The following TTBK1 variants were observed in gnomAD, a reference collection of about 807,000 sequenced individuals.
TTBK1 encodes tau tubulin kinase 1, also known as tau-tubulin kinase 1.
In TTBK1, 34 loss-of-function variants were observed where a neutral mutation model predicts 108.5. That is an observed-to-expected ratio of 0.31 (90% CI 0.24 to 0.42). TTBK1 has a LOEUF of 0.42. Ranked by LOEUF, TTBK1 falls within the 10% of genes least tolerant of loss-of-function variation. The pLI is 1.00. For synonymous variants in TTBK1, 809 were observed against 795.1 expected (o/e 1.02, Z -0.29); for missense variants, 1,539 against 1,826.0 (o/e 0.84, Z 2.86).
Position 43,283,041 on chromosome 6 carries a change from AGAG to A in TTBK1, c.2312_2314del (p.Glu771del), listed in dbSNP as rs542526958. ...AGGAGGAAGAAGAGGAGGAGGAGGA[AGAG>A]GAGGAGGAGGCTGCAGCGGCAGTTG... On this transcript the variant is annotated inframe_deletion, in exon 14 of 15. Transcript: ENST00000259750. This position sits in a 1 kb window ranked among gnomAD's most constrained non-coding sequence, Gnocchi z 8.1. 1.3e-4 allele frequency: 208 copies of A among 1,591,016 alleles called. No homozygotes were observed. In the African/African-American group the frequency reaches 1.8e-3, roughly 14 times the overall value.
intron 2 of TTBK1, among the ~76,000 whole-genome samples, chr6:43,248,563 A>G (rs1243747900): frequency 6.6e-6 from 1 of 152,180 alleles, no homozygotes; most frequent in Non-Finnish European, 1.5e-5. Context: ...TCTCTACTAA[A>G]AATACAAAAA....
Position 43,269,597 on chromosome 6 carries a change from CTG to C in TTBK1, c.1986+6250_1986+6251del. The C allele has an allele frequency of 6.4e-7, 1 of 1,564,846 alleles. No homozygotes were observed. Among genetic ancestry groups the C allele is most frequent in the Non-Finnish European group, 8.7e-7 (1 of 1,151,760 alleles). On this transcript the variant is annotated intron_variant, in intron 13 of 14. Coordinates refer to ENST00000259750, the MANE Select transcript of TTBK1 (RefSeq NM_032538.3). This position sits in a 1 kb window ranked among gnomAD's most constrained non-coding sequence, Gnocchi z 4.8. ...GGCCCCGGAGACGGAGCTGTCGAGTCTGTGCCTGACACCTCTTTTCCCTCCAC... is the reference window on the plus strand; with the variant it reads ...GGCCCCGGAGACGGAGCTGTCGAGTCTGCCTGACACCTCTTTTCCCTCCAC...
At chr6:43,261,714 C>T (rs990792875) in intron 12 of TTBK1, among the ~76,000 whole-genome samples, 6 of 148,798 alleles carry the variant, frequency 4.0e-5, no homozygotes, top group Non-Finnish European at 8.9e-5. Context: ...ACTCAGGAGG[C>T]TGAGGCAGGA....
At chr6:43,262,667 A>C (rs1235308158) in intron 12 of TTBK1, 122 bp from the exon 13 acceptor site, 1 of 927,190 alleles carries the variant, frequency 1.1e-6, no homozygotes, top group Non-Finnish European at 1.5e-6. Flanking sequence ...GGCCTGGCTC[A>C]GGGTGGGAGG....
rs1305315017 is a variant in TTBK1 at position 43,285,799 on chromosome 6, G to A, written c.*423G>A. 1.3e-5 allele frequency: 2 copies of A among 155,796 alleles called. No homozygotes were observed. The highest frequency in any genetic ancestry group is 2.4e-5 in the African/African-American group (1 of 41,598). 9.7% of individuals were successfully genotyped at this position (155,796 alleles called of 1,614,324 possible). On this transcript the variant is annotated 3_prime_UTR_variant, in exon 15 of 15. Transcript: ENST00000259750. This position sits in a 1 kb window ranked among gnomAD's most constrained non-coding sequence, Gnocchi z 4.7. Reference sequence around the variant, plus strand: ...GCAATCTCTGCCTACACCTCCTGCGGCGCCTTGCCCTCCTCCGACCCCTTT... The same window carrying A: ...GCAATCTCTGCCTACACCTCCTGCGACGCCTTGCCCTCCTCCGACCCCTTT...
intron 14 of TTBK1, among the ~76,000 whole-genome samples, chr6:43,284,747 C>T (rs1286238782): frequency 6.6e-6 from 1 of 152,054 alleles, no homozygotes; most frequent in Non-Finnish European, 1.5e-5. Flanking sequence ...AATGAGGACC[C>T]CAAAGAAAGC....
At position 43,255,599 on chromosome 6, in the gene TTBK1, G is replaced by A. The variant is rs148165250; in HGVS notation, c.690G>A (p.Val230=). 1 of 1,613,880 alleles carries A rather than the reference G, an allele frequency of 6.2e-7. No individual in the cohort carries two copies. The highest frequency in any genetic ancestry group is 1.3e-5 in the African/African-American group (1 of 75,030). The stretch of plus-strand genomic sequence containing the variant: ...TGTGGTCCCTCTTCTACATGCTGGT[G>A]GAGTTTGCAGTGGGCCAGCTGCCCT... ...DDLWSLFYML[V]EFAVGQLPWR... The change falls in exon 8 of 15, where the codon GTG becomes GTA. Residue 230 remains valine, a synonymous_variant. Transcript: ENST00000259750.
intron 2 of TTBK1, among the ~76,000 whole-genome samples, chr6:43,250,651 G>A (rs896809711): frequency 6.6e-6 from 1 of 152,116 alleles, no homozygotes; most frequent in Non-Finnish European, 1.5e-5. Context: ...GAGCCACCGC[G>A]CCTGGACCTG....
intron 12 of TTBK1, among the ~76,000 whole-genome samples, chr6:43,261,473 A>ACC (rs1562088427): frequency 6.6e-6 from 1 of 151,878 alleles, no homozygotes; most frequent in African/African-American, 2.4e-5. Context: ...GGCTGGCATG[A>ACC]CCCCAAGTTG....
Position 43,285,579 on chromosome 6 carries a change from C to A in TTBK1, c.*203C>A. The A allele has an allele frequency of 1.8e-6, 1 of 565,988 alleles. No homozygotes were observed. The highest frequency in any genetic ancestry group is 2.5e-6 in the Non-Finnish European group (1 of 392,860). 35.1% of individuals were successfully genotyped at this position (565,988 alleles called of 1,614,324 possible). A position where few individuals can be genotyped will look rare whatever the true frequency, so the allele number is the denominator to read the frequency against. On this transcript the variant is annotated 3_prime_UTR_variant, in exon 15 of 15. Coordinates refer to ENST00000259750, the MANE Select transcript of TTBK1 (RefSeq NM_032538.3). The surrounding 1 kb of genome is among the most constrained non-coding windows in gnomAD (Gnocchi z 4.7). Reference sequence around the variant, plus strand: ...TTAGGGCCCGTGGGGGACGCGGCCCCGCGCCGCGGGGAGGGTCTGCCTCCC... The same window carrying A: ...TTAGGGCCCGTGGGGGACGCGGCCCAGCGCCGCGGGGAGGGTCTGCCTCCC...
intron 13 of TTBK1, among the ~76,000 whole-genome samples, chr6:43,268,652 T>C (rs1341103884): frequency 6.6e-6 from 1 of 152,036 alleles, no homozygotes; most frequent in East Asian, 1.9e-4. Flanking sequence ...CCCCCACATA[T>C]CTGGGACACT....
chr6:43,271,401 G>T, intron 13 of TTBK1: 1 of 985,382 alleles, frequency 1.0e-6, no homozygotes, highest in Non-Finnish European at 1.2e-6. Context: ...TGACTGGCAC[G>T]TGCGCAAGTT....
chr6:43,271,761 C>CTATT (rs35217249), intron 13 of TTBK1: 114,583 of 951,998 alleles, frequency 0.12, 6,912 homozygotes, highest in East Asian at 0.33. Flanking sequence ...CTTTGTAAGT[C>CTATT]TATTTATTTA....
Position 43,285,330 on chromosome 6 carries a change from C to T in TTBK1, c.3920C>T (p.Thr1307Ile), listed in dbSNP as rs1778344372. ...AAACTCCAGGCTCAGCGCGCAACAA[C>T]CAAAGGCCGGGCAGGAGGCGCGGAG... ...RGKLQAQRAT[T>I]KGRAGGAEGR... The change falls in exon 15 of 15, where the codon ACC becomes ATC. Residue 1307 changes from threonine to isoleucine, a missense_variant. Thr to Ile is a moderately conservative substitution (Grantham distance 89). Transcript: ENST00000259750. The surrounding 1 kb of genome is among the most constrained non-coding windows in gnomAD (Gnocchi z 4.7). 3.9e-6 allele frequency: 5 copies of T among 1,290,596 alleles called. No individual in the cohort carries two copies. Among genetic ancestry groups the T allele is most frequent in the Admixed American group, 8.4e-5 (2 of 23,898 alleles). The allele number at this position is 1,290,596 out of a possible 1,614,324, so 79.9% of individuals were successfully genotyped here.
intron 2 of TTBK1, among the ~76,000 whole-genome samples, chr6:43,247,286 G>A (rs570150011): frequency 5.3e-5 from 8 of 152,308 alleles, no homozygotes; most frequent in African/African-American, 1.9e-4. Flanking sequence ...AGCACGGCGA[G>A]ACTCCATCTC....
chr6:43,260,598 G>A (rs1427408167), intron 12 of TTBK1, among the ~76,000 whole-genome samples: 1 of 152,198 alleles, frequency 6.6e-6, no homozygotes, highest in African/African-American at 2.4e-5. Context: ...GTGGTAGCCT[G>A]GAGTCCCTCT....
Position 43,285,536 on chromosome 6 carries a change from G to A in TTBK1, c.*160G>A, listed in dbSNP as rs1056082275. 1 of 992,088 alleles carries A rather than the reference G, an allele frequency of 1.0e-6. No homozygotes were observed. The highest frequency in any genetic ancestry group is 1.3e-6 in the Non-Finnish European group (1 of 776,664). 61.5% of individuals were successfully genotyped at this position (992,088 alleles called of 1,614,324 possible). A position where few individuals can be genotyped will look rare whatever the true frequency, so the allele number is the denominator to read the frequency against. On this transcript the variant is annotated 3_prime_UTR_variant, in exon 15 of 15. Coordinates refer to ENST00000259750, the MANE Select transcript of TTBK1 (RefSeq NM_032538.3). This position sits in a 1 kb window ranked among gnomAD's most constrained non-coding sequence, Gnocchi z 4.7. ...CCCGCGAGGACGCGCGCGAGCACAC[G>A]CGGCGCCCCGCCAGGCCTTAGGGCC...
chr6:43,252,653 C>A, intron 2 of TTBK1, 86 bp from the exon 3 acceptor site: 1 of 1,496,608 alleles, frequency 6.7e-7, no homozygotes, highest in Non-Finnish European at 9.0e-7. Context: ...CCTTCCCCAC[C>A]AATGAAGGAT....
At chr6:43,254,198 C>A (rs1004032187) in intron 5 of TTBK1, among the ~76,000 whole-genome samples, 1 of 152,226 alleles carries the variant, frequency 6.6e-6, no homozygotes, top group African/African-American at 2.4e-5. Context: ...GGCCTGCTGC[C>A]TTAGGCAGCC....
Sources: gnomAD v4.1 joint callset for allele counts (sites outside exome capture counted in the v4.1 genomes callset) on GRCh38, gnomAD v4.1.1 for gene constraint, Gnocchi (gnomAD v3.1) non-coding constraint, MANE v1.5 for transcripts, NCBI Gene and HGNC (gene_info 2026-07-23, HGNC 2026-07-21) for gene names.